The following PJA2 variants were observed in gnomAD, a reference collection of about 807,000 sequenced individuals.
PJA2 encodes the protein E3 ubiquitin-protein ligase Praja-2.
In PJA2, 25 loss-of-function variants were observed where a neutral mutation model predicts 69.3. That is an observed-to-expected ratio of 0.36 (90% CI 0.26 to 0.50). PJA2 has a LOEUF of 0.50. PJA2 is among the 20% of genes least tolerant of loss of function. The pLI is 0.96. For synonymous variants in PJA2, 308 were observed against 277.8 expected, an observed-to-expected ratio of 1.11 and a Z score of -1.08; for missense variants, 809 against 830.2, an observed-to-expected ratio of 0.97 and a Z score of 0.31.
At chr5:109,350,526 ACT>A (rs1433359748) in intron 7 of PJA2, among the ~76,000 whole-genome samples, 1 of 152,230 alleles carries the variant, frequency 6.6e-6, no homozygotes. Context: ...AGATTTGTTC[ACT>A]GATTACACCA....
At chr5:109,353,820 T>C (rs1458839000) in intron 7 of PJA2, among the ~76,000 whole-genome samples, 3 of 120,484 alleles carry the variant, frequency 2.5e-5, no homozygotes, top group Admixed American at 8.8e-5. Context: ...AGATTAGATG[T>C]CTATGATATC....
At chr5:109,360,310 A>C (rs891080847) in intron 6 of PJA2, among the ~76,000 whole-genome samples, 1 of 152,198 alleles carries the variant, frequency 6.6e-6, no homozygotes, top group African/African-American at 2.4e-5. Flanking sequence ...ACTTCCTACC[A>C]CACCAAGCTA....
chr5:109,407,587 A>C (rs929296923), intron 1 of PJA2, among the ~76,000 whole-genome samples: 2 of 152,148 alleles, frequency 1.3e-5, no homozygotes, highest in Non-Finnish European at 2.9e-5. Flanking sequence ...CAATGAGAAA[A>C]ACACATAAGT....
chr5:109,396,422 CTTTTT>C (rs35744917), intron 1 of PJA2, among the ~76,000 whole-genome samples: 3 of 85,264 alleles, frequency 3.5e-5, no homozygotes, highest in African/African-American at 9.4e-5. Context: ...ATGTAAAGTT[CTTTTT>C]TTTTTTTTTT....
At chr5:109,360,401 T>C (rs143435635) in intron 6 of PJA2, among the ~76,000 whole-genome samples, 2 of 152,308 alleles carry the variant, frequency 1.3e-5, no homozygotes, top group Non-Finnish European at 2.9e-5. Context: ...ACTTTTTCCA[T>C]TTTCCTTTAA....
At position 109,356,580 on chromosome 5, in the gene PJA2, G is replaced by A. The variant is rs569801870; in HGVS notation, c.1653-554C>T. On this transcript the variant is annotated intron_variant, in intron 6 of 9. Transcript: ENST00000361189. ...AGGGATATAGTACATTTCCCCACCC[G>A]ATTATTTCCCACATATTTCTCCTGT... Among the ~76,000 whole-genome samples the A allele has an allele frequency of 4.6e-5, 7 of 152,216 alleles. No homozygotes were observed. The East Asian group carries it at 1.2e-3, about 25-fold the overall frequency.
Position 109,404,663 on chromosome 5 carries a change from G to A in PJA2, c.-88+5179C>T, listed in dbSNP as rs1020057224. On this transcript the variant is annotated intron_variant, in intron 1 of 9. Coordinates refer to ENST00000361189, the MANE Select transcript of PJA2 (RefSeq NM_014819.5). ...CAGTTTTTTCACTGTGTTCTCATAC[G>A]GCATAAGGGGATAGGAGCTCTCTGG... Among the ~76,000 whole-genome samples, 5 of 152,162 alleles carry A rather than the reference G, an allele frequency of 3.3e-5. 1 individual carries two copies. The highest frequency in any genetic ancestry group is 3.3e-4 in the Admixed American group (5 of 15,274).
intron 6 of PJA2, among the ~76,000 whole-genome samples, chr5:109,360,072 T>C (rs549306153): frequency 7.9e-5 from 12 of 152,320 alleles, no homozygotes; most frequent in Admixed American, 1.3e-4. Flanking sequence ...ATGAGGATTT[T>C]TGTACTATTT....
rs1472329802 is a variant in PJA2 at position 109,386,454 on chromosome 5, CCT to C, written c.-87-2936_-87-2935del. 7.9e-5 allele frequency among the ~76,000 whole-genome samples: 12 copies of C among 152,222 alleles called. No homozygotes were observed. The East Asian group carries it at 1.7e-3, about 22-fold the overall frequency. ...ACAGTACAGAAATCATGGAAATCAC[CCT>C]GTTTCTTAAACTTTTCTTTAATGTG... On this transcript the variant is annotated intron_variant, in intron 1 of 9. Coordinates refer to ENST00000361189, the MANE Select transcript of PJA2 (RefSeq NM_014819.5).
chr5:109,337,199 T>A lies in PJA2; in HGVS notation c.*32A>T. 6.2e-7 allele frequency: 1 copy of A among 1,604,734 alleles called. No homozygotes were observed. The highest frequency in any genetic ancestry group is 1.3e-5 in the African/African-American group (1 of 74,696). On this transcript the variant is annotated 3_prime_UTR_variant, in exon 10 of 10. Coordinates refer to ENST00000361189, the MANE Select transcript of PJA2 (RefSeq NM_014819.5). ...TTAGAAGGAATTTGCAGATTTACTT[T>A]GATACACTGATCTCATTTCAACTGT...
intron 4 of PJA2, among the ~76,000 whole-genome samples, chr5:109,372,911 A>AAAAAAAAAAAAAG: frequency 7.4e-6 from 1 of 134,322 alleles, no homozygotes. Context: ...GTCTCAAAAA[A>AAAAAAAAAAAAAG]AAAAAAAAAA....
At chr5:109,367,792 A>G (rs984726772) in intron 5 of PJA2, among the ~76,000 whole-genome samples, 2 of 152,214 alleles carry the variant, frequency 1.3e-5, no homozygotes, top group African/African-American at 4.8e-5. Context: ...ATATTAGCAA[A>G]TCTAATTATA....
At chr5:109,380,927 C>T (rs1031895960) in intron 3 of PJA2, among the ~76,000 whole-genome samples, 9 of 151,548 alleles carry the variant, frequency 5.9e-5, no homozygotes, top group Non-Finnish European at 1.3e-4. Context: ...TCAGCCTGGC[C>T]AACGTGGTGA....
chr5:109,347,602 C>A (rs551933369), intron 7 of PJA2, among the ~76,000 whole-genome samples: 1 of 152,312 alleles, frequency 6.6e-6, no homozygotes, highest in Non-Finnish European at 1.5e-5. Flanking sequence ...TTTCTCTTGC[C>A]CCAGAGGGCA....
At chr5:109,342,583 G>A (rs1275697962) in intron 9 of PJA2, among the ~76,000 whole-genome samples, 1 of 93,542 alleles carries the variant, frequency 1.1e-5, no homozygotes, top group Non-Finnish European at 2.2e-5. Flanking sequence ...GGGCGCCTCT[G>A]CCCGGCCGCC....
chr5:109,409,899 C>A lies in PJA2; in HGVS notation c.-145G>T, dbSNP rs1259767161. 5 of 177,000 alleles carry A rather than the reference C, an allele frequency of 2.8e-5. No individual in the cohort carries two copies. Among genetic ancestry groups the A allele is most frequent in the African/African-American group, 9.6e-5 (4 of 41,550 alleles). The allele number at this position is 177,000 out of a possible 1,614,324, so 11.0% of individuals were successfully genotyped here. On this transcript the variant is annotated 5_prime_UTR_variant, in exon 1 of 10. Coordinates refer to ENST00000361189, the MANE Select transcript of PJA2 (RefSeq NM_014819.5). ...CGCTCGAACCTCCACCCGCCACCAC[C>A]GCCTTCTTCTCCGCCTCCAACTCCT...
At position 109,378,266 on chromosome 5, in the gene PJA2, C is replaced by T; in HGVS notation, c.1221G>A (p.Val407=). 6.2e-7 allele frequency: 1 copy of T among 1,613,900 alleles called. No individual in the cohort carries two copies. The highest frequency in any genetic ancestry group is 8.5e-7 in the Non-Finnish European group (1 of 1,179,878). The change falls in exon 4 of 10, where the codon GTG becomes GTA. Residue 407 remains valine (V), a synonymous_variant. Transcript: ENST00000361189. The stretch of plus-strand genomic sequence containing the variant: ...CACAGCCATTCCAAAAGGTGTTATC[C>T]ACCTCTTGCCTTCCTGCTGTGGCTC... ...ESGATAGRQE[V]DNTFWNGCGD... is the part of the protein sequence containing the mutation.
Position 109,379,393 on chromosome 5 carries a change from A to G in PJA2, c.233-139T>C, listed in dbSNP as rs959021145. Reference sequence around the variant, plus strand: ...GTAAATTTATTTACCAAGCACTTCTATGCTCCTTAACTGAGAATGCAGACT... The same window carrying G: ...GTAAATTTATTTACCAAGCACTTCTGTGCTCCTTAACTGAGAATGCAGACT... On this transcript the variant is annotated intron_variant, in intron 3 of 9. Coordinates refer to ENST00000361189, the MANE Select transcript of PJA2 (RefSeq NM_014819.5). The G allele has an allele frequency of 5.0e-5, 33 of 656,834 alleles. No individual in the cohort carries two copies. In the African/African-American group the frequency reaches 6.0e-4, roughly 12 times the overall value. The allele number at this position is 656,834 out of a possible 1,614,324, so 40.7% of individuals were successfully genotyped here.
chr5:109,356,300 T>C (rs1025036012), intron 6 of PJA2, among the ~76,000 whole-genome samples: 11 of 152,186 alleles, frequency 7.2e-5, no homozygotes, highest in African/African-American at 2.4e-4. Context: ...TCTTTTGTGT[T>C]TCTAGCTCTA....
Sources: gnomAD v4.1 joint callset for allele counts (sites outside exome capture counted in the v4.1 genomes callset) on GRCh38, gnomAD v4.1.1 for gene constraint, MANE v1.5 for transcripts, NCBI Gene and HGNC (gene_info 2026-07-23, HGNC 2026-07-21) for gene names.